MAMDC2: variants seen among roughly 807,000 people sequenced by gnomAD.
MAMDC2 encodes MAM domain containing 2, also known as MAM domain-containing protein 2.
In MAMDC2, 57 loss-of-function variants were observed where a neutral mutation model predicts 89.8. That is an observed-to-expected ratio of 0.63 (90% CI 0.51 to 0.79). The LOEUF (loss-of-function observed/expected upper bound fraction) is 0.79. MAMDC2 is among the 30% of genes least tolerant of loss of function. The pLI, the probability that MAMDC2 is intolerant of heterozygous loss-of-function variation, is 0.00. For missense variants in MAMDC2, 800 were observed against 820.6 expected, an observed-to-expected ratio of 0.97 and a Z score of 0.31; for synonymous variants, 313 against 293.4, an observed-to-expected ratio of 1.07 and a Z score of -0.68.
chr9:70,046,207 G>A (rs2117955125), intron 2 of MAMDC2, among the ~76,000 whole-genome samples: 1 of 152,300 alleles, frequency 6.6e-6, no homozygotes, highest in South Asian at 2.1e-4. Flanking sequence ...GATTCAGGGG[G>A]CCTGAGAATT....
chr9:70,198,065 T>A (rs962432018), intron 11 of MAMDC2, among the ~76,000 whole-genome samples: 1 of 147,620 alleles, frequency 6.8e-6, no homozygotes, highest in African/African-American at 2.6e-5. Context: ...TGTTCTATTT[T>A]TTTATTATTG....
intron 7 of MAMDC2, among the ~76,000 whole-genome samples, chr9:70,136,067 G>T (rs2030994424): frequency 6.6e-6 from 1 of 152,222 alleles, no homozygotes; most frequent in Admixed American, 6.5e-5. Flanking sequence ...AGGAGGATAG[G>T]TTGAACCCAG....
At chr9:70,098,781 T>C (rs1828089547) in intron 2 of MAMDC2, among the ~76,000 whole-genome samples, 1 of 152,214 alleles carries the variant, frequency 6.6e-6, no homozygotes, top group South Asian at 2.1e-4. Flanking sequence ...CTTGGTTTAC[T>C]AGCTGTTTCC....
At position 70,109,762 on chromosome 9, in the gene MAMDC2, A is replaced by G. The variant is rs1828452980; in HGVS notation, c.463A>G (p.Ile155Val). The G allele has an allele frequency of 6.2e-7, 1 of 1,613,996 alleles. No individual in the cohort carries two copies. The highest frequency in any genetic ancestry group is 8.5e-7 in the Non-Finnish European group (1 of 1,179,942). The change falls in exon 4 of 14, where the codon ATC (isoleucine) becomes GTC (valine). Residue 155 changes from isoleucine to valine, a missense_variant. Physicochemically the swap from Ile to Val is conservative, Grantham distance 29. Transcript: ENST00000377182. The part of the protein sequence containing the change: ...GVLGQGNTAS[I>V]ALFEIKMTTG... ...ACTAGGACAGGGAAACACAGCCAGC[A>G]TCGCACTATTTGAAATCAAGATGAC...
chr9:70,186,547 T>C (rs1587553276), intron 11 of MAMDC2, among the ~76,000 whole-genome samples: 1 of 152,328 alleles, frequency 6.6e-6, no homozygotes, highest in South Asian at 2.1e-4. Context: ...TTTGTTTTTG[T>C]TTTTATTTTG....
At chr9:70,208,302 T>A (rs2118654833) in intron 11 of MAMDC2, among the ~76,000 whole-genome samples, 1 of 152,344 alleles carries the variant, frequency 6.6e-6, no homozygotes, top group African/African-American at 2.4e-5. Context: ...TCCTCTTTTA[T>A]TTCATTGAGC....
chr9:70,141,916 T>C (rs1466855196), intron 8 of MAMDC2, among the ~76,000 whole-genome samples: 1 of 152,208 alleles, frequency 6.6e-6, no homozygotes, highest in African/African-American at 2.4e-5. Flanking sequence ...TGTTCCTCCC[T>C]TTCTGGGACA....
chr9:70,175,451 C>T (rs1208340560), intron 11 of MAMDC2, among the ~76,000 whole-genome samples: 2 of 152,140 alleles, frequency 1.3e-5, no homozygotes, highest in Non-Finnish European at 2.9e-5. Context: ...CCTTATTCTA[C>T]TGAAAAATGG....
chr9:70,105,159 T>G (rs560541288), intron 2 of MAMDC2, among the ~76,000 whole-genome samples: 1 of 152,090 alleles, frequency 6.6e-6, no homozygotes, highest in African/African-American at 2.4e-5. Flanking sequence ...CATCCTATAT[T>G]TTCTAAAACT....
At chr9:70,221,719 TTG>T (rs143895926) in intron 12 of MAMDC2, among the ~76,000 whole-genome samples, 15 of 150,240 alleles carry the variant, frequency 1.0e-4, no homozygotes, top group Admixed American at 4.6e-4. Context: ...ATCCCACATT[TTG>T]TGTGTGTGTG....
chr9:70,150,118 G>A (rs556839058), intron 9 of MAMDC2, among the ~76,000 whole-genome samples: 22 of 152,342 alleles, frequency 1.4e-4, no homozygotes, highest in Admixed American at 3.3e-4. Context: ...AGGAACCCCT[G>A]TCAAGGCTTC....
chr9:70,195,853 A>T (rs565380235), intron 11 of MAMDC2, among the ~76,000 whole-genome samples: 3 of 152,112 alleles, frequency 2.0e-5, no homozygotes, highest in Non-Finnish European at 4.4e-5. Context: ...TCGACTTGAT[A>T]AGGAAAGAAA....
chr9:70,088,359 G>A (rs1827817560), intron 2 of MAMDC2: 2 of 151,978 alleles, frequency 1.3e-5, no homozygotes, highest in South Asian at 4.1e-4. Context: ...TCTAACTTTG[G>A]CTTCAACTAG....
At chr9:70,096,173 A>G (rs1828022400) in intron 2 of MAMDC2, among the ~76,000 whole-genome samples, 1 of 151,982 alleles carries the variant, frequency 6.6e-6, no homozygotes, top group Non-Finnish European at 1.5e-5. Context: ...CACAGGTGCC[A>G]TGCCTGGCTA....
chr9:70,109,525 G>T (rs1323979734), intron 3 of MAMDC2, among the ~76,000 whole-genome samples, 195 bp from the exon 4 acceptor site: 1 of 152,164 alleles, frequency 6.6e-6, no homozygotes, highest in Non-Finnish European at 1.5e-5. Flanking sequence ...ACATGCGCAT[G>T]CACACACATA....
At chr9:70,167,175 T>A (rs569261189) in intron 9 of MAMDC2, among the ~76,000 whole-genome samples, 62 of 152,180 alleles carry the variant, frequency 4.1e-4, no homozygotes, top group Non-Finnish European at 7.6e-4. Context: ...TCTTTGTATA[T>A]ATACAGAGTT....
At chr9:70,075,772 A>G (rs952208427) in intron 2 of MAMDC2, among the ~76,000 whole-genome samples, 1 of 152,208 alleles carries the variant, frequency 6.6e-6, no homozygotes, top group Non-Finnish European at 1.5e-5. Context: ...GGCATTATTG[A>G]CACCAGCAAA....
chr9:70,064,748 T>C (rs1216110519), intron 2 of MAMDC2, among the ~76,000 whole-genome samples: 1 of 152,148 alleles, frequency 6.6e-6, no homozygotes, highest in Non-Finnish European at 1.5e-5. Context: ...TGGAAGGTAC[T>C]CCAAAGGCCT....
At chr9:70,131,991 T>C (rs2030826201) in intron 7 of MAMDC2, among the ~76,000 whole-genome samples, 1 of 152,218 alleles carries the variant, frequency 6.6e-6, no homozygotes, top group Admixed American at 6.5e-5. Flanking sequence ...CTGAATAGAA[T>C]AATATATTTT....
Sources: allele counts gnomAD v4.1 joint callset (sites outside exome capture counted in the v4.1 genomes callset), GRCh38; gene constraint gnomAD v4.1.1; transcripts MANE v1.5; gene names NCBI Gene and HGNC (gene_info 2026-07-23, HGNC 2026-07-21).